Variants in ARHGAP6 observed in about 807,000 individuals in gnomAD.
ARHGAP6 encodes Rho GTPase activating protein 6.
In ARHGAP6, 16 loss-of-function variants were observed where a neutral mutation model predicts 55.7. The observed-to-expected ratio is 0.29, with a 90% CI of 0.19 to 0.44. The LOEUF (loss-of-function observed/expected upper bound fraction) is 0.44. Among genes scored for constraint, ARHGAP6 ranks in the 20% least tolerant of loss-of-function variants. The pLI is 1.00. For synonymous variants in ARHGAP6, 382 were observed against 360.9 expected, an observed-to-expected ratio of 1.06 and a Z score of -0.66; for missense variants, 698 against 808.9, an observed-to-expected ratio of 0.86 and a Z score of 1.66.
chrX:11,633,209 A>G (rs1384792269), intron 1 of ARHGAP6, among the ~76,000 whole-genome samples: 1 of 112,047 alleles, frequency 8.9e-6, no homozygotes, highest in African/African-American at 3.2e-5. Flanking sequence ...AACATATGCA[A>G]TTGTCTAAAT....
chrX:11,439,700 T>G (rs2050022075), intron 1 of ARHGAP6, among the ~76,000 whole-genome samples: 1 of 112,429 alleles, frequency 8.9e-6, no homozygotes, highest in Non-Finnish European at 1.9e-5. Flanking sequence ...ACCAGACTGC[T>G]TAGATCAAGA....
intron 2 of ARHGAP6, among the ~76,000 whole-genome samples, chrX:11,240,275 A>G (rs1193207744): frequency 8.9e-6 from 1 of 112,447 alleles, no homozygotes; most frequent in Non-Finnish European, 1.9e-5. Context: ...TTCTACTTTG[A>G]GTTGCCTGCT....
chrX:11,242,836 G>A (rs1430141167), intron 2 of ARHGAP6, among the ~76,000 whole-genome samples: 1 of 111,261 alleles, frequency 9.0e-6, no homozygotes, highest in African/African-American at 3.3e-5. Context: ...TTAAAGTCTT[G>A]GAAATGCCTA....
chrX:11,554,022 G>A (rs760069484), intron 1 of ARHGAP6, among the ~76,000 whole-genome samples: 4 of 112,264 alleles, frequency 3.6e-5, no homozygotes, highest in Non-Finnish European at 7.5e-5. Flanking sequence ...AATGTAATCA[G>A]CTGGAAGTTG....
chrX:11,278,075 T>C (rs1444240886), intron 1 of ARHGAP6, among the ~76,000 whole-genome samples: 1 of 111,767 alleles, frequency 8.9e-6, no homozygotes, highest in Non-Finnish European at 1.9e-5. Flanking sequence ...GCTGAACTTC[T>C]TCCTGGCTCT....
At chrX:11,522,382 G>A (rs1253295158) in intron 1 of ARHGAP6, among the ~76,000 whole-genome samples, 3 of 111,144 alleles carry the variant, frequency 2.7e-5, no homozygotes, top group African/African-American at 6.5e-5. Context: ...AAATAACTAA[G>A]ATCAGAGCAG....
At chrX:11,410,252 C>A in intron 1 of ARHGAP6, among the ~76,000 whole-genome samples, 1 of 112,169 alleles carries the variant, frequency 8.9e-6, no homozygotes, top group Non-Finnish European at 1.9e-5. Flanking sequence ...AATGAATAAG[C>A]AAAGTATCAT....
chrX:11,470,153 G>A (rs1271947323), intron 1 of ARHGAP6, among the ~76,000 whole-genome samples: 1 of 111,705 alleles, frequency 9.0e-6, no homozygotes, highest in Non-Finnish European at 1.9e-5. Flanking sequence ...CAATGTTGTT[G>A]AACATTGATA....
chrX:11,500,083 A>C (rs1035585855), intron 1 of ARHGAP6, among the ~76,000 whole-genome samples: 1 of 112,293 alleles, frequency 8.9e-6, no homozygotes, highest in Non-Finnish European at 1.9e-5. Context: ...TTGTTTAGTC[A>C]CATGTAGAAA....
chrX:11,506,766 G>T lies in ARHGAP6; in HGVS notation c.588+157475C>A, dbSNP rs750777945. Among the ~76,000 whole-genome samples, 4 of 111,230 alleles carry T rather than the reference G, an allele frequency of 3.6e-5. No homozygotes were observed. The East Asian group carries it at 8.5e-4, about 24-fold the overall frequency. On this transcript the variant is annotated intron_variant, in intron 1 of 12. Coordinates refer to ENST00000337414, the MANE Select transcript of ARHGAP6 (RefSeq NM_013427.3). ...TTGGGTATATACCCAGTAATGGGATGGCTGGGTCAAATGGTATTTCTAGTT... is the reference window on the plus strand; with the variant it reads ...TTGGGTATATACCCAGTAATGGGATTGCTGGGTCAAATGGTATTTCTAGTT...
chrX:11,458,438 G>A (rs1205671933), intron 1 of ARHGAP6, among the ~76,000 whole-genome samples: 1 of 111,906 alleles, frequency 8.9e-6, no homozygotes, highest in Non-Finnish European at 1.9e-5. Context: ...ACTAGAGCTG[G>A]GCAACAATGT....
chrX:11,189,745 C>A (rs760148703), intron 3 of ARHGAP6, among the ~76,000 whole-genome samples: 1 of 112,021 alleles, frequency 8.9e-6, no homozygotes, highest in East Asian at 2.8e-4. Context: ...GGGAAAGGGG[C>A]ATAGTGCAGA....
chrX:11,558,884 G>A (rs757035196), intron 1 of ARHGAP6, among the ~76,000 whole-genome samples: 3 of 87,977 alleles, frequency 3.4e-5, no homozygotes, highest in African/African-American at 4.4e-5. Context: ...CAAATTTTAC[G>A]CAGTTGCATG....
At chrX:11,238,589 A>G (rs1208588519) in intron 2 of ARHGAP6, among the ~76,000 whole-genome samples, 1 of 112,499 alleles carries the variant, frequency 8.9e-6, no homozygotes, top group East Asian at 2.8e-4. Context: ...ATTCAGGAAG[A>G]TATCATAGGA....
At chrX:11,350,231 T>C (rs5935024) in intron 1 of ARHGAP6, among the ~76,000 whole-genome samples, 6,845 of 111,736 alleles carry the variant, frequency 0.061, 228 homozygotes, top group African/African-American at 0.13. Flanking sequence ...CCCTCAAATA[T>C]GTAACTATGG....
At chrX:11,467,992 G>GAATGAATA (rs1448701851) in intron 1 of ARHGAP6, among the ~76,000 whole-genome samples, 4 of 39,697 alleles carry the variant, frequency 1.0e-4, no homozygotes, top group Non-Finnish European at 1.5e-4. Context: ...ATGAATGAAT[G>GAATGAATA]AATAAATAAA....
chrX:11,459,921 A>T (rs1414006767), intron 1 of ARHGAP6, among the ~76,000 whole-genome samples: 1 of 106,421 alleles, frequency 9.4e-6, no homozygotes, highest in Non-Finnish European at 1.9e-5. Context: ...AATTAGTGTT[A>T]AAAAAAAAGT....
At chrX:11,147,145 A>G (rs5934962) in intron 10 of ARHGAP6, among the ~76,000 whole-genome samples, 20,475 of 111,566 alleles carry the variant, frequency 0.18, 1,438 homozygotes, top group Middle Eastern at 0.27. Flanking sequence ...CCCAACACAC[A>G]CGCACATACA....
At chrX:11,594,592 T>C (rs1345296372) in intron 1 of ARHGAP6, among the ~76,000 whole-genome samples, 1 of 110,439 alleles carries the variant, frequency 9.1e-6, no homozygotes, top group Non-Finnish European at 1.9e-5. Context: ...TGGCATTAGA[T>C]TCTCGTAGGA....
Sources: allele counts gnomAD v4.1 joint callset (sites outside exome capture counted in the v4.1 genomes callset), GRCh38; gene constraint gnomAD v4.1.1; transcripts MANE v1.5; gene names NCBI Gene and HGNC (gene_info 2026-07-23, HGNC 2026-07-21).